The following CRACD variants were observed in gnomAD, a reference collection of about 807,000 sequenced individuals.
CRACD encodes capping protein-inhibiting regulator of actin dynamics.
Under a neutral mutation model 106.8 loss-of-function variants are expected in CRACD, and 56 were observed. The ratio of observed to expected loss-of-function variants is 0.52; its 90% CI spans 0.42 to 0.66. CRACD has a LOEUF of 0.66. CRACD is among the 30% of genes least tolerant of loss of function. CRACD has a pLI of 0.00. For synonymous variants in CRACD, 754 were observed against 670.8 expected, an observed-to-expected ratio of 1.12 and a Z score of -1.92; for missense variants, 1,730 against 1,623.2, an observed-to-expected ratio of 1.07 and a Z score of -1.13.
intron 1 of CRACD, among the ~76,000 whole-genome samples, chr4:56,172,387 A>G (rs1214754843): frequency 6.6e-6 from 1 of 152,192 alleles, no homozygotes; most frequent in Non-Finnish European, 1.5e-5. Context: ...CTCTGTTACA[A>G]TCTGTTCTCA....
intron 1 of CRACD, among the ~76,000 whole-genome samples, chr4:56,091,047 CTTTT>C (rs1733408649): frequency 6.6e-6 from 1 of 151,862 alleles, no homozygotes; most frequent in Non-Finnish European, 1.5e-5. Context: ...TCTTTTCTTT[CTTTT>C]TTATTTATTT....
intron 2 of CRACD, among the ~76,000 whole-genome samples, chr4:56,185,349 C>T (rs1221819891): frequency 1.3e-5 from 2 of 152,134 alleles, no homozygotes; most frequent in Non-Finnish European, 2.9e-5. Flanking sequence ...AAACACTGTA[C>T]CCATTAAGCA....
chr4:56,278,127 T>G (rs1742784070), intron 3 of CRACD, among the ~76,000 whole-genome samples: 1 of 152,190 alleles, frequency 6.6e-6, no homozygotes, highest in Non-Finnish European at 1.5e-5. Flanking sequence ...AAATCCTAGC[T>G]GTCTTTTTTC....
At chr4:56,198,196 A>G (rs1255285501) in intron 2 of CRACD, among the ~76,000 whole-genome samples, 1 of 152,158 alleles carries the variant, frequency 6.6e-6, no homozygotes. Flanking sequence ...AGAAATCAAA[A>G]ACGTACATAT....
Position 56,314,013 on chromosome 4 carries a change from T to G in CRACD, c.538-27T>G. On this transcript the variant is annotated intron_variant, in intron 7 of 10. Coordinates refer to ENST00000682029, the MANE Select transcript of CRACD (RefSeq NM_001393381.1). The surrounding 1 kb of genome is among the most constrained non-coding windows in gnomAD (Gnocchi z 4.4). ...ACTGTGGGTGGAGAAAGCAAAAGGC[T>G]AATTGTGTTTTCCTTTCCAATGTTA... The G allele has an allele frequency of 3.7e-6, 6 of 1,602,922 alleles. No individual in the cohort carries two copies. The highest frequency in any genetic ancestry group is 5.1e-6 in the Non-Finnish European group (6 of 1,174,268).
Position 56,052,786 on chromosome 4 carries a change from G to A in CRACD, c.-336+3487G>A, listed in dbSNP as rs1251620675. On this transcript the variant is annotated intron_variant, in intron 1 of 10. Transcript: ENST00000682029. ...AAACTGAGTTCTCTCTGATCCCAAA[G>A]CCTGTCTGCCCTCTTAACCCCCATG... Among the ~76,000 whole-genome samples the A allele has an allele frequency of 2.1e-5, 3 of 145,258 alleles. No individual in the cohort carries two copies. In the East Asian group the frequency reaches 5.8e-4, roughly 28 times the overall value.
At chr4:56,150,774 T>C (rs1735551280) in intron 1 of CRACD, among the ~76,000 whole-genome samples, 1 of 152,222 alleles carries the variant, frequency 6.6e-6, no homozygotes, top group South Asian at 2.1e-4. Context: ...CGACCTAGTC[T>C]GCTATTGATG....
intron 2 of CRACD, among the ~76,000 whole-genome samples, chr4:56,253,514 C>T (rs894669189): frequency 2.6e-5 from 4 of 152,130 alleles, no homozygotes; most frequent in Admixed American, 6.5e-5. Flanking sequence ...TGTTTCCCCA[C>T]GCCTCATAGT....
In CRACD at chr4:56,314,479, A is replaced by T. The variant is rs780818668; in HGVS notation, c.977A>T (p.Gln326Leu). 6.5e-7 allele frequency: 1 copy of T among 1,528,436 alleles called. No homozygotes were observed. The highest frequency in any genetic ancestry group is 8.8e-7 in the Non-Finnish European group (1 of 1,138,532). 94.7% of individuals were successfully genotyped at this position (1,528,436 alleles called of 1,614,324 possible). The change falls in exon 8 of 11, where the codon CAG becomes CTG. Residue 326 changes from glutamine to leucine, a missense_variant. Gln to Leu is a moderately radical substitution (Grantham distance 113). This residue lies in a region of CRACD where 1,620 missense variants were observed against 1,481.6 expected (regional missense o/e 1.09). Transcript: ENST00000682029. The surrounding 1 kb of genome is among the most constrained non-coding windows in gnomAD (Gnocchi z 4.4). The stretch of plus-strand genomic sequence containing the variant: ...GAGGAGCGAAGGCGTCTGCAGGCCC[A>T]GGCCCAAGCGGAGGAGAGGCGGCGG... ...AEEERRRLQA[Q>L]AQAEERRRLE...
At chr4:56,232,076 C>T (rs1428163298) in intron 2 of CRACD, among the ~76,000 whole-genome samples, 1 of 152,162 alleles carries the variant, frequency 6.6e-6, no homozygotes, top group African/African-American at 2.4e-5. Context: ...ACAGTAGGAG[C>T]ATATGTACAG....
chr4:56,320,986 G>A (rs1266248617), intron 8 of CRACD: 5 of 187,620 alleles, frequency 2.7e-5, no homozygotes, highest in African/African-American at 9.4e-5. Context: ...GCCACGTCTT[G>A]TGCTTCTAAG....
At chr4:56,117,706 A>T (rs1455156297) in intron 1 of CRACD, among the ~76,000 whole-genome samples, 1 of 152,212 alleles carries the variant, frequency 6.6e-6, no homozygotes, top group African/African-American at 2.4e-5. Context: ...ATTTTAACAT[A>T]ATACAAAAAT....
chr4:56,153,694 G>T (rs1314221956), intron 1 of CRACD, among the ~76,000 whole-genome samples: 1 of 152,184 alleles, frequency 6.6e-6, no homozygotes, highest in Non-Finnish European at 1.5e-5. Flanking sequence ...CCCATGATCT[G>T]ACTTGTATTT....
intron 3 of CRACD, among the ~76,000 whole-genome samples, chr4:56,275,969 C>T (rs1742650639): frequency 6.6e-6 from 1 of 152,140 alleles, no homozygotes; most frequent in Non-Finnish European, 1.5e-5. Context: ...TGTCAAACTC[C>T]CAAGAATCTG....
At chr4:56,247,751 C>T (rs1384281721) in intron 2 of CRACD, among the ~76,000 whole-genome samples, 1 of 151,848 alleles carries the variant, frequency 6.6e-6, no homozygotes, top group Non-Finnish European at 1.5e-5. Flanking sequence ...GAGGCTGAGG[C>T]AGGAGAATCA....
At chr4:56,197,384 T>C (rs1049784986) in intron 2 of CRACD, among the ~76,000 whole-genome samples, 1 of 152,192 alleles carries the variant, frequency 6.6e-6, no homozygotes, top group Non-Finnish European at 1.5e-5. Context: ...AAATAGTAGG[T>C]TGAAAATAGC....
Position 56,329,000 on chromosome 4 carries a change from A to G in CRACD, c.*1196A>G, listed in dbSNP as rs549133297. On this transcript the variant is annotated 3_prime_UTR_variant, in exon 11 of 11. Coordinates refer to ENST00000682029, the MANE Select transcript of CRACD (RefSeq NM_001393381.1). ...TTTCTTTACTATAATTGAGTAATTC[A>G]TATTTAGAGTCACATGTCCAGTAGC... Among the ~76,000 whole-genome samples, 1 of 152,328 alleles carries G rather than the reference A, an allele frequency of 6.6e-6. No homozygotes were observed. Among genetic ancestry groups the G allele is most frequent in the South Asian group, 2.1e-4 (1 of 4,830 alleles).
chr4:56,125,789 G>C (rs1328065488), intron 1 of CRACD, among the ~76,000 whole-genome samples: 2 of 21,768 alleles, frequency 9.2e-5, no homozygotes, highest in African/African-American at 3.5e-4. Context: ...TTTTTTTTTT[G>C]AGATGGAGTT....
chr4:56,209,480 A>G (rs1481483522), intron 2 of CRACD, among the ~76,000 whole-genome samples: 4 of 152,136 alleles, frequency 2.6e-5, no homozygotes, highest in Admixed American at 6.6e-5. Context: ...TTAATTACAT[A>G]TATTAACTAC....
Sources: allele counts gnomAD v4.1 joint callset (sites outside exome capture counted in the v4.1 genomes callset), GRCh38; gene constraint gnomAD v4.1.1; regional missense constraint gnomAD v4.1.1; non-coding constraint Gnocchi (gnomAD v3.1); transcripts MANE v1.5; gene names NCBI Gene and HGNC (gene_info 2026-07-23, HGNC 2026-07-21).